The following MYO7A variants were observed in gnomAD, a reference collection of about 807,000 sequenced individuals.
MYO7A encodes the protein myosin VIIA, also known as unconventional myosin-VIIa.
Under a neutral mutation model 263.8 loss-of-function variants are expected in MYO7A, and 210 were observed. The observed-to-expected ratio is 0.80, with a 90% confidence interval of 0.71 to 0.89. The LOEUF (loss-of-function observed/expected upper bound fraction) is 0.89, where lower values mean the gene tolerates loss of function less well. Ranked by LOEUF, MYO7A falls within the 40% of genes least tolerant of loss-of-function variation. The pLI, the probability that MYO7A is intolerant of heterozygous loss-of-function variation, is 0.00. For missense variants in MYO7A, 2,820 were observed against 2,968.3 expected, an observed-to-expected ratio of 0.95 and a Z score of 1.16; for synonymous variants, 1,239 against 1,197.3, an observed-to-expected ratio of 1.03 and a Z score of -0.72.
chr11:77,158,635 A>T (rs1258245865), intron 9 of MYO7A, among the ~76,000 whole-genome samples: 4 of 152,244 alleles, frequency 2.6e-5, no homozygotes, highest in African/African-American at 9.6e-5. Context: ...CTGTGCTGAC[A>T]GTCCACCACG....
At chr11:77,162,437 AC>A in intron 13 of MYO7A, 107 bp downstream of exon 13, 1 of 1,113,182 alleles carries the variant, frequency 9.0e-7, no homozygotes, top group Non-Finnish European at 1.3e-6. Context: ...AATGATACCC[AC>A]CTCTCAAGTT....
rs1955884387 is a variant in MYO7A at position 77,189,563 on chromosome 11, C to G, written c.3630+93C>G. ...GCAATAGCCAGGGGCTCCAAAGGGC[C>G]TGGTCACAAGGCCCACCCGGCCACT... On this transcript the variant is annotated intron_variant, in intron 28 of 48. Coordinates refer to ENST00000409709, the MANE Select transcript of MYO7A (RefSeq NM_000260.4). 1.8e-5 allele frequency: 28 copies of G among 1,555,232 alleles called. No individual in the cohort carries two copies. In the Middle Eastern group the frequency reaches 8.6e-4, roughly 48 times the overall value.
chr11:77,177,480 C>G, intron 18 of MYO7A, 69 bp from the exon 19 acceptor site: 1 of 1,202,834 alleles, frequency 8.3e-7, no homozygotes, highest in Admixed American at 2.0e-5. Context: ...AGAGCAGCCC[C>G]CACTGGGACT....
intron 16 of MYO7A, among the ~76,000 whole-genome samples, chr11:77,174,476 T>C (rs926196370): frequency 1.3e-5 from 2 of 152,176 alleles, no homozygotes; most frequent in Non-Finnish European, 2.9e-5. Flanking sequence ...GTTAGGGTGA[T>C]AAAGACGCCT....
chr11:77,147,780 C>CTCCCCGCAGT lies in MYO7A; in HGVS notation c.133-18_133-17insTCCCCGCAGT, dbSNP rs782393221. ...CCTGGGCCCCAGGAGAGCACGCTGA[C>CTCCCCGCAGT]GTTCTGGCTCCCCGCAGGAACACTG... On this transcript the variant is annotated splice_polypyrimidine_tract_variant and intron_variant, in intron 3 of 48. Coordinates refer to ENST00000409709, the MANE Select transcript of MYO7A (RefSeq NM_000260.4). The CTCCCCGCAGT allele has an allele frequency of 1.4e-5, 23 of 1,607,336 alleles. No homozygotes were observed. Among genetic ancestry groups the CTCCCCGCAGT allele is most frequent in the Admixed American group, 3.4e-5 (2 of 59,374 alleles).
At position 77,214,950 on chromosome 11, in the gene MYO7A, G is replaced by A. The variant is rs1288242597; in HGVS notation, c.*254G>A. 3.4e-5 allele frequency: 16 copies of A among 476,526 alleles called. No homozygotes were observed. The highest frequency in any genetic ancestry group is 1.0e-4 in the Admixed American group (3 of 28,974). 29.5% of individuals were successfully genotyped at this position (476,526 alleles called of 1,614,324 possible). A position where few individuals can be genotyped will look rare whatever the true frequency, so the allele number is the denominator to read the frequency against. ...AATCCTAGTTTGCTGTGGCCTTCCC[G>A]GTTGTGAGAGCCTGTGATCCTTAGA... On this transcript the variant is annotated 3_prime_UTR_variant, in exon 49 of 49. Coordinates refer to ENST00000409709, the MANE Select transcript of MYO7A (RefSeq NM_000260.4).
chr11:77,213,063 G>A (rs1258654902), intron 47 of MYO7A, 28 bp downstream of exon 47: 1 of 1,541,382 alleles, frequency 6.5e-7, no homozygotes, highest in Non-Finnish European at 8.8e-7. Context: ...AGCAAGTGGG[G>A]GCGGGCTTCT....
intron 41 of MYO7A, chr11:77,207,021 C>A: frequency 2.8e-6 from 1 of 363,376 alleles, no homozygotes; most frequent in Non-Finnish European, 5.0e-6. Flanking sequence ...CCCTGGACCC[C>A]TCACTGTCAC....
intron 14 of MYO7A, among the ~76,000 whole-genome samples, chr11:77,165,077 T>C (rs942746362): frequency 6.6e-6 from 1 of 151,974 alleles, no homozygotes; most frequent in East Asian, 1.9e-4. Context: ...AGAATGGGGG[T>C]CTTTCTAGGA....
chr11:77,194,946 G>C (rs1956521591), intron 32 of MYO7A, among the ~76,000 whole-genome samples: 1 of 152,210 alleles, frequency 6.6e-6, no homozygotes, highest in African/African-American at 2.4e-5. Context: ...TGGAGCCCAG[G>C]CCCATGACCA....
chr11:77,163,118 A>G, intron 14 of MYO7A, 130 bp downstream of exon 14: 2 of 995,936 alleles, frequency 2.0e-6, no homozygotes, highest in Non-Finnish European at 1.4e-6. Flanking sequence ...ATATATATAT[A>G]TGAACTTGAC....
intron 27 of MYO7A, among the ~76,000 whole-genome samples, chr11:77,185,554 A>G (rs1325117620): frequency 6.6e-6 from 1 of 152,152 alleles, no homozygotes; most frequent in Non-Finnish European, 1.5e-5. Context: ...CCCACTTCTC[A>G]TTCTAGTTCT....
intron 5 of MYO7A, 138 bp from the exon 6 acceptor site, chr11:77,156,522 C>A: frequency 1.6e-6 from 2 of 1,265,698 alleles, no homozygotes; most frequent in Non-Finnish European, 2.2e-6. Context: ...TTGAGCCCTG[C>A]CCCAGCCCTG....
intron 4 of MYO7A, among the ~76,000 whole-genome samples, chr11:77,154,092 C>A (rs143052204): frequency 6.6e-6 from 1 of 152,180 alleles, no homozygotes; most frequent in Admixed American, 6.5e-5. Context: ...CCAGCCTGGG[C>A]GACAGAGCGA....
At position 77,192,996 on chromosome 11, in the gene MYO7A, T is replaced by C. The variant is rs1379872120; in HGVS notation, c.4152+718T>C. ...GAGGTAGTTGTGATGGTGGAGGTAG[T>C]GATGCTGTTGGTGATGGTGGAGGTA... On this transcript the variant is annotated intron_variant, in intron 31 of 48. Coordinates refer to ENST00000409709, the MANE Select transcript of MYO7A (RefSeq NM_000260.4). Among the ~76,000 whole-genome samples the C allele has an allele frequency of 2.8e-4, 37 of 131,484 alleles. 1 individual carries two copies. Among genetic ancestry groups the C allele is most frequent in the African/African-American group, 1.2e-3 (35 of 29,746 alleles). 86.3% of individuals were successfully genotyped at this position (131,484 alleles called of 152,430 possible). A position where few individuals can be genotyped will look rare whatever the true frequency, so the allele number is the denominator to read the frequency against.
At chr11:77,200,888 G>A (rs536382720) in intron 35 of MYO7A, among the ~76,000 whole-genome samples, 117 of 152,316 alleles carry the variant, frequency 7.7e-4, no homozygotes, top group South Asian at 4.3e-3. Context: ...CCCTGGCCAA[G>A]TGTGGGAAAG....
At chr11:77,212,874 G>C (rs538588554) in intron 46 of MYO7A, 78 bp from the exon 47 acceptor site, 18 of 1,175,816 alleles carry the variant, frequency 1.5e-5, no homozygotes, top group Non-Finnish European at 2.1e-5. Flanking sequence ...TCCCAGCTGG[G>C]GCCAGGCTTC....
intron 16 of MYO7A, 86 bp downstream of exon 16, chr11:77,172,971 A>C: frequency 1.4e-6 from 2 of 1,463,364 alleles, no homozygotes; most frequent in Non-Finnish European, 1.8e-6. Context: ...GTGGGAGTGA[A>C]GGATGTGAGA....
rs376691271 is a variant in MYO7A, at chr11:77,155,786, A to G, written c.286-121A>G. ...CGATTCTGGCTCCAGGTCCACCCAC[A>G]TGACTCCAAAGCCAGGACTCTTCCC... On this transcript the variant is annotated intron_variant, in intron 4 of 48. Coordinates refer to ENST00000409709, the MANE Select transcript of MYO7A (RefSeq NM_000260.4). The G allele has an allele frequency of 9.1e-5, 102 of 1,124,664 alleles. 1 individual carries two copies. In the African/African-American group the frequency reaches 1.5e-3, roughly 16 times the overall value. The allele number at this position is 1,124,664 out of a possible 1,614,324, so 69.7% of individuals were successfully genotyped here. A position where few individuals can be genotyped will look rare whatever the true frequency, so the allele number is the denominator to read the frequency against.
Sources: gnomAD v4.1 joint callset for allele counts (sites outside exome capture counted in the v4.1 genomes callset) on GRCh38, gnomAD v4.1.1 for gene constraint, MANE v1.5 for transcripts, NCBI Gene and HGNC (gene_info 2026-07-23, HGNC 2026-07-21) for gene names.